The following TTC39B variants were observed in gnomAD, a reference collection of about 807,000 sequenced individuals.
TTC39B encodes the protein tetratricopeptide repeat domain 39B, also known as tetratricopeptide repeat protein 39B.
A neutral mutation model predicts 96.6 loss-of-function variants in TTC39B; 92 were observed. The observed-to-expected ratio is 0.95, with a 90% CI of 0.80 to 1.13. The LOEUF is 1.13. Among genes scored for constraint, TTC39B ranks in the 50% most tolerant of loss-of-function variants. The probability of loss-of-function intolerance (pLI) is 0.00; values close to 1 mark genes in which losing one functional copy is unlikely to be tolerated. For synonymous variants in TTC39B, 367 were observed against 299.4 expected (o/e 1.23, Z -2.33); for missense variants, 955 against 809.3 (o/e 1.18, Z -2.18).
chr9:15,206,988 C>A (rs1453075201), intron 6 of TTC39B, among the ~76,000 whole-genome samples: 1 of 152,158 alleles, frequency 6.6e-6, no homozygotes, highest in South Asian at 2.1e-4. Flanking sequence ...TGAGTTCTCA[C>A]GAGATCTGAT....
At chr9:15,184,534 C>G (rs575693685) in intron 16 of TTC39B, among the ~76,000 whole-genome samples, 19 of 152,060 alleles carry the variant, frequency 1.2e-4, no homozygotes, top group African/African-American at 4.3e-4. Context: ...CCAGAAGAGT[C>G]ATAGTAACTT....
chr9:15,215,267 G>T (rs79269795), intron 3 of TTC39B, among the ~76,000 whole-genome samples: 1 of 151,798 alleles, frequency 6.6e-6, no homozygotes, highest in African/African-American at 2.4e-5. Context: ...AATGAGGCTG[G>T]GTGTGGTGGC....
At chr9:15,192,503 G>T in intron 9 of TTC39B, 87 bp downstream of exon 9, 2 of 1,017,710 alleles carry the variant, frequency 2.0e-6, no homozygotes, top group Non-Finnish European at 1.5e-6. Flanking sequence ...GAAAGGTTCA[G>T]GATGAGGTTC....
chr9:15,233,846 C>G (rs1281072086), intron 2 of TTC39B, among the ~76,000 whole-genome samples: 1 of 151,568 alleles, frequency 6.6e-6, no homozygotes, highest in Non-Finnish European at 1.5e-5. Flanking sequence ...GCCCCTCTGC[C>G]TGGCTGCCCA....
At chr9:15,279,834 G>C (rs113339424) in intron 1 of TTC39B, among the ~76,000 whole-genome samples, 1 of 151,666 alleles carries the variant, frequency 6.6e-6, no homozygotes, top group African/African-American at 2.4e-5. Context: ...CTACAAACAG[G>C]GCCAAATTCC....
intron 2 of TTC39B, among the ~76,000 whole-genome samples, chr9:15,228,621 T>C (rs1821260711): frequency 6.6e-6 from 1 of 152,196 alleles, no homozygotes; most frequent in African/African-American, 2.4e-5. Flanking sequence ...AACTTCCCAC[T>C]TGTTCCAGTC....
chr9:15,252,145 T>C (rs539645471), intron 2 of TTC39B, among the ~76,000 whole-genome samples: 79 of 152,316 alleles, frequency 5.2e-4, no homozygotes, highest in Admixed American at 1.3e-3. Flanking sequence ...CAAGCCCAAA[T>C]GCAAAATTAT....
chr9:15,205,303 A>G (rs1819782810), intron 6 of TTC39B, among the ~76,000 whole-genome samples: 1 of 152,196 alleles, frequency 6.6e-6, no homozygotes, highest in Non-Finnish European at 1.5e-5. Context: ...ACTGTGACTG[A>G]AAATAGGGTA....
chr9:15,194,645 A>G (rs1381510628), intron 8 of TTC39B, among the ~76,000 whole-genome samples: 1 of 152,230 alleles, frequency 6.6e-6, no homozygotes, highest in East Asian at 1.9e-4. Context: ...TTCCAACAAT[A>G]TGTGCTCACT....
At chr9:15,283,670 C>T (rs566249464) in intron 1 of TTC39B, among the ~76,000 whole-genome samples, 2 of 152,142 alleles carry the variant, frequency 1.3e-5, no homozygotes, top group East Asian at 3.8e-4. Flanking sequence ...GGAATTGGCA[C>T]AGGAACATAT....
rs1346621974 is a variant in TTC39B, at chr9:15,185,422, G to T, written c.1488-16C>A. The T allele has an allele frequency of 1.2e-6, 2 of 1,612,990 alleles. No homozygotes were observed. Among genetic ancestry groups the T allele is most frequent in the Non-Finnish European group, 1.7e-6 (2 of 1,179,388 alleles). Reference sequence around the variant, plus strand: ...GTCCACCTGTCTGTGAAGAACCCCAGCCCAGCCCCAGAGAAAGGTCATGGC... The same window carrying T: ...GTCCACCTGTCTGTGAAGAACCCCATCCCAGCCCCAGAGAAAGGTCATGGC... On this transcript the variant is annotated splice_polypyrimidine_tract_variant and intron_variant, in intron 15 of 19. Transcript: ENST00000512701.
intron 15 of TTC39B, 200 bp from the exon 16 acceptor site, chr9:15,185,606 A>G (rs1347541854): frequency 3.2e-6 from 2 of 621,488 alleles, no homozygotes; most frequent in East Asian, 3.8e-5. Flanking sequence ...CGAGCAATCT[A>G]GATTTTGATA....
At chr9:15,275,890 C>CT (rs1823525878) in intron 1 of TTC39B, among the ~76,000 whole-genome samples, 1 of 152,178 alleles carries the variant, frequency 6.6e-6, no homozygotes. Flanking sequence ...TAAAAGTGAT[C>CT]TACACACAAT....
At chr9:15,173,330 T>A (rs1332636065) in intron 19 of TTC39B, among the ~76,000 whole-genome samples, 2 of 152,190 alleles carry the variant, frequency 1.3e-5, no homozygotes, top group East Asian at 3.8e-4. Context: ...AAGCCCTTCT[T>A]GGCTCTACCA....
chr9:15,234,239 G>C (rs1287684774), intron 2 of TTC39B, among the ~76,000 whole-genome samples: 6 of 150,820 alleles, frequency 4.0e-5, no homozygotes, highest in Admixed American at 3.9e-4. Context: ...CTGCCCGGCA[G>C]CCACCCCGTC....
At chr9:15,251,868 A>G (rs774803694) in intron 2 of TTC39B, among the ~76,000 whole-genome samples, 4 of 151,842 alleles carry the variant, frequency 2.6e-5, no homozygotes, top group Non-Finnish European at 4.4e-5. Context: ...TCATATTTCT[A>G]AAAGTTCAAA....
intron 2 of TTC39B, 99 bp downstream of exon 2, chr9:15,267,815 G>T: frequency 9.4e-7 from 1 of 1,061,056 alleles, no homozygotes; most frequent in Non-Finnish European, 1.4e-6. Context: ...AATAGCCATT[G>T]CCGTACTCTC....
intron 6 of TTC39B, among the ~76,000 whole-genome samples, chr9:15,208,174 G>A (rs953106059): frequency 3.2e-4 from 48 of 151,200 alleles, no homozygotes; most frequent in African/African-American, 1.1e-3. Flanking sequence ...ATAGGTGTGC[G>A]CCACCATGCC....
At chr9:15,291,919 C>T (rs1166416908) in intron 1 of TTC39B, among the ~76,000 whole-genome samples, 2 of 152,198 alleles carry the variant, frequency 1.3e-5, no homozygotes, top group Admixed American at 6.5e-5. Flanking sequence ...GTAACTTAAC[C>T]TCTCTGTGAG....
Sources: gnomAD v4.1 joint callset for allele counts (sites outside exome capture counted in the v4.1 genomes callset) on GRCh38, gnomAD v4.1.1 for gene constraint, MANE v1.5 for transcripts, NCBI Gene and HGNC (gene_info 2026-07-23, HGNC 2026-07-21) for gene names.